TENM4: variants seen among roughly 807,000 people sequenced by gnomAD.
The protein encoded by TENM4 is teneurin transmembrane protein 4, also known as teneurin-4.
In TENM4, 82 loss-of-function variants were observed where a neutral mutation model predicts 243.3. The ratio of observed to expected loss-of-function variants is 0.34; its 90% CI spans 0.28 to 0.40. The LOEUF (loss-of-function observed/expected upper bound fraction) is 0.40, where lower values mean the gene tolerates loss of function less well. Among genes scored for constraint, TENM4 ranks in the 10% least tolerant of loss-of-function variants. TENM4 has a pLI of 1.00. For missense variants in TENM4, 3,138 were observed against 3,673.3 expected (o/e 0.85, Z 3.77); for synonymous variants, 1,412 against 1,456.3 (o/e 0.97, Z 0.69).
rs572971522 is a variant in TENM4, at chr11:78,667,257, C to T, written c.7408+1680G>A. 5.9e-5 allele frequency among the ~76,000 whole-genome samples: 9 copies of T among 152,240 alleles called. No individual in the cohort carries two copies. In the South Asian group the frequency reaches 1.7e-3, roughly 28 times the overall value. On this transcript the variant is annotated intron_variant, in intron 32 of 33. Coordinates refer to ENST00000278550, the MANE Select transcript of TENM4 (RefSeq NM_001098816.3). Reference sequence around the variant, plus strand: ...TCCCTATGCTTGGGATGCTATTCTCCCCTCTTTCCTATGCTTGGGATGCCT... The same window carrying T: ...TCCCTATGCTTGGGATGCTATTCTCTCCTCTTTCCTATGCTTGGGATGCCT...
intron 6 of TENM4, among the ~76,000 whole-genome samples, chr11:78,921,768 C>T (rs1194064744): frequency 6.6e-6 from 1 of 152,216 alleles, no homozygotes; most frequent in Non-Finnish European, 1.5e-5. Flanking sequence ...GCCTATCTCA[C>T]TTGTGATCTC....
intron 19 of TENM4, among the ~76,000 whole-genome samples, chr11:78,752,827 C>T (rs888772940): frequency 2.0e-5 from 3 of 152,050 alleles, no homozygotes; most frequent in South Asian, 4.2e-4. Context: ...TCTGGGTGGT[C>T]GCTGGACCTG....
At chr11:79,086,052 C>A (rs139675847) in intron 4 of TENM4, among the ~76,000 whole-genome samples, 1 of 152,242 alleles carries the variant, frequency 6.6e-6, no homozygotes, top group Non-Finnish European at 1.5e-5. Context: ...GACTGCCATA[C>A]TAATGGCTCC....
intron 9 of TENM4, among the ~76,000 whole-genome samples, chr11:78,884,051 T>C (rs1480045639): frequency 6.6e-6 from 1 of 152,252 alleles, no homozygotes; most frequent in Non-Finnish European, 1.5e-5. Flanking sequence ...GTCTAACTTT[T>C]ACTGAGTGCT....
intron 1 of TENM4, among the ~76,000 whole-genome samples, chr11:79,400,503 T>C (rs540739883): frequency 1.2e-3 from 189 of 152,266 alleles, no homozygotes; most frequent in African/African-American, 4.5e-3. Context: ...TCCTTTCTCC[T>C]GACAGGCATC....
chr11:78,694,993 T>C (rs1033402623), intron 28 of TENM4, among the ~76,000 whole-genome samples: 1 of 152,196 alleles, frequency 6.6e-6, no homozygotes, highest in African/African-American at 2.4e-5. Context: ...GTAATGGCTA[T>C]TCACTGTTTT....
intron 1 of TENM4, among the ~76,000 whole-genome samples, chr11:79,328,936 C>T (rs1857018151): frequency 6.6e-6 from 1 of 152,130 alleles, no homozygotes; most frequent in Non-Finnish European, 1.5e-5. Flanking sequence ...TCCAGAGATT[C>T]TTTGGAAATA....
chr11:79,113,627 T>C (rs894595415), intron 4 of TENM4, among the ~76,000 whole-genome samples: 3 of 151,564 alleles, frequency 2.0e-5, no homozygotes, highest in Non-Finnish European at 2.9e-5. Context: ...AATGACAATG[T>C]TAACTCTCCC....
At chr11:79,381,520 C>T (rs1389048005) in intron 1 of TENM4, among the ~76,000 whole-genome samples, 1 of 150,896 alleles carries the variant, frequency 6.6e-6, no homozygotes, top group Non-Finnish European at 1.5e-5. Flanking sequence ...TCATTCAACC[C>T]GTTGACCGAA....
At chr11:78,728,069 C>T (rs1197524743) in intron 22 of TENM4, among the ~76,000 whole-genome samples, 1 of 152,208 alleles carries the variant, frequency 6.6e-6, no homozygotes, top group Non-Finnish European at 1.5e-5. Flanking sequence ...TTTTAACTGA[C>T]TGGCGGGCAC....
intron 6 of TENM4, among the ~76,000 whole-genome samples, chr11:79,049,828 C>G (rs1374472352): frequency 6.6e-6 from 1 of 152,238 alleles, no homozygotes; most frequent in Non-Finnish European, 1.5e-5. Flanking sequence ...GTCATCACAG[C>G]TCCTGGCTGT....
chr11:79,081,972 T>A (rs956007997), intron 4 of TENM4, among the ~76,000 whole-genome samples: 1 of 152,082 alleles, frequency 6.6e-6, no homozygotes. Flanking sequence ...CTTGGGAAAG[T>A]CCCTGCATTG....
At chr11:78,991,869 T>C (rs1591188706) in intron 6 of TENM4, among the ~76,000 whole-genome samples, 1 of 152,322 alleles carries the variant, frequency 6.6e-6, no homozygotes, top group Non-Finnish European at 1.5e-5. Flanking sequence ...TTCCTCACCC[T>C]GTGCTGCTGC....
chr11:79,053,856 C>G (rs1219561945), intron 6 of TENM4, among the ~76,000 whole-genome samples: 1 of 152,180 alleles, frequency 6.6e-6, no homozygotes, highest in Non-Finnish European at 1.5e-5. Flanking sequence ...AGACTGAAGT[C>G]AAAGGAAAGC....
chr11:79,420,303 G>A (rs1322435581), intron 1 of TENM4, among the ~76,000 whole-genome samples: 1 of 152,196 alleles, frequency 6.6e-6, no homozygotes, highest in East Asian at 1.9e-4. Flanking sequence ...CTACTAAGAT[G>A]TCAGAAAGAG....
chr11:78,762,658 G>T (rs991204584), intron 18 of TENM4, among the ~76,000 whole-genome samples: 1 of 152,174 alleles, frequency 6.6e-6, no homozygotes, highest in Admixed American at 6.5e-5. Context: ...ACCAATGGAG[G>T]CAATCCTGTA....
intron 20 of TENM4, among the ~76,000 whole-genome samples, chr11:78,736,213 T>C (rs1246858155): frequency 2.0e-5 from 3 of 152,266 alleles, no homozygotes; most frequent in Middle Eastern, 3.4e-3. Flanking sequence ...TGTGCTCAAG[T>C]GATCCTTACG....
intron 12 of TENM4, among the ~76,000 whole-genome samples, chr11:78,847,716 T>C (rs1858431767): frequency 1.3e-5 from 2 of 152,176 alleles, no homozygotes; most frequent in African/African-American, 4.8e-5. Flanking sequence ...AGACCTCAAT[T>C]CTTCATTGCT....
intron 7 of TENM4, among the ~76,000 whole-genome samples, chr11:78,899,571 G>GGGGAAA (rs1565430077): frequency 1.3e-5 from 1 of 79,378 alleles, no homozygotes; most frequent in Non-Finnish European, 2.7e-5. Flanking sequence ...GGGGGGGGGG[G>GGGGAAA]AAAAAGAAAA....
Sources: gnomAD v4.1 joint callset for allele counts (sites outside exome capture counted in the v4.1 genomes callset) on GRCh38, gnomAD v4.1.1 for gene constraint, MANE v1.5 for transcripts, NCBI Gene and HGNC (gene_info 2026-07-23, HGNC 2026-07-21) for gene names.